Variants in FANCC observed in about 807,000 individuals in gnomAD.
FANCC encodes the protein FA complementation group C, also known as Fanconi anemia group C protein.
FANCC carries 55 observed loss-of-function variants against 71.3 expected under a neutral mutation model. The ratio of observed to expected loss-of-function variants is 0.77; its 90% confidence interval spans 0.62 to 0.97. The LOEUF is 0.97. FANCC is among the 50% of genes least tolerant of loss of function. FANCC has a pLI of 0.00. For synonymous variants in FANCC, 275 were observed against 244.9 expected (o/e 1.12, Z -1.15); for missense variants, 678 against 670.9 (o/e 1.01, Z -0.12).
intron 8 of FANCC, among the ~76,000 whole-genome samples, chr9:95,131,051 A>C (rs1339646260): frequency 6.6e-6 from 1 of 152,164 alleles, no homozygotes; most frequent in African/African-American, 2.4e-5. Flanking sequence ...AGCTCGGAAA[A>C]ATTATTCTTT....
intron 1 of FANCC, among the ~76,000 whole-genome samples, chr9:95,254,545 G>C (rs1831542555): frequency 6.6e-6 from 1 of 152,228 alleles, no homozygotes; most frequent in Admixed American, 6.5e-5. Context: ...GTGCATTCCA[G>C]CACAGACACT....
intron 1 of FANCC, among the ~76,000 whole-genome samples, chr9:95,270,718 A>T (rs2136215210): frequency 6.6e-6 from 1 of 152,372 alleles, no homozygotes; most frequent in Middle Eastern, 3.4e-3. Flanking sequence ...GGTATTTAAC[A>T]TATTTAACAT....
intron 1 of FANCC, among the ~76,000 whole-genome samples, chr9:95,287,554 G>C (rs1220833928): frequency 6.6e-6 from 1 of 152,152 alleles, no homozygotes; most frequent in East Asian, 1.9e-4. Context: ...ACTTTTGTGG[G>C]GAAACCACAG....
chr9:95,127,557 G>A (rs1826191233), intron 8 of FANCC: 1 of 152,358 alleles, frequency 6.6e-6, no homozygotes, highest in Non-Finnish European at 1.5e-5. Flanking sequence ...GTGCGGGCGG[G>A]AAGGCTAGGG....
intron 4 of FANCC, among the ~76,000 whole-genome samples, chr9:95,233,735 T>G (rs1830140897): frequency 6.6e-6 from 1 of 152,230 alleles, no homozygotes; most frequent in East Asian, 1.9e-4. Flanking sequence ...AAAGTTGGGG[T>G]GTGTACTCCA....
At chr9:95,243,054 T>C (rs1303850472) in intron 3 of FANCC, among the ~76,000 whole-genome samples, 1 of 152,220 alleles carries the variant, frequency 6.6e-6, no homozygotes, top group Admixed American at 6.5e-5. Context: ...ATATCTGGAA[T>C]TGAAATTCTA....
At chr9:95,246,980 G>A (rs1031496995) in intron 3 of FANCC, among the ~76,000 whole-genome samples, 1 of 152,190 alleles carries the variant, frequency 6.6e-6, no homozygotes, top group Non-Finnish European at 1.5e-5. Flanking sequence ...CAAAGTCACG[G>A]CAGGATTCAC....
At chr9:95,123,136 CA>C (rs930362284) in intron 10 of FANCC, among the ~76,000 whole-genome samples, 2 of 150,814 alleles carry the variant, frequency 1.3e-5, no homozygotes, top group Non-Finnish European at 3.0e-5. Context: ...TCTATCTCTA[CA>C]AAAAAAAATT....
chr9:95,117,601 C>T (rs1383927055), intron 10 of FANCC, among the ~76,000 whole-genome samples: 2 of 16,498 alleles, frequency 1.2e-4, no homozygotes, highest in African/African-American at 4.8e-4. Flanking sequence ...CCTTCTGGGA[C>T]TTAAAAATTT....
intron 4 of FANCC, among the ~76,000 whole-genome samples, chr9:95,181,352 C>A (rs1350725454): frequency 6.6e-6 from 1 of 152,064 alleles, no homozygotes; most frequent in South Asian, 2.1e-4. Flanking sequence ...CAAACAGACA[C>A]CTCAAACTTT....
intron 4 of FANCC, 124 bp downstream of exon 4, chr9:95,240,525 T>C (rs1223001181): frequency 7.3e-6 from 5 of 683,260 alleles, no homozygotes; most frequent in Non-Finnish European, 1.3e-5. Context: ...GTGAAGGGTA[T>C]GTTTGAAAAA....
chr9:95,172,208 T>G (rs1477699535), intron 4 of FANCC, 61 bp from the exon 5 acceptor site: 1 of 1,004,878 alleles, frequency 1.0e-6, no homozygotes, highest in Admixed American at 1.9e-5. Flanking sequence ...GCCTTTTATG[T>G]ACAATGCCTA....
At chr9:95,317,338 C>CAGCCTT (rs1422650679) in intron 1 of FANCC, 188 bp downstream of exon 1, 2 of 151,974 alleles carry the variant, frequency 1.3e-5, no homozygotes, top group African/African-American at 4.8e-5. Flanking sequence ...CCTCCCGCCT[C>CAGCCTT]AGCCTTAGCC....
At chr9:95,180,050 C>T (rs1826244749) in intron 4 of FANCC, among the ~76,000 whole-genome samples, 1 of 152,216 alleles carries the variant, frequency 6.6e-6, no homozygotes, top group South Asian at 2.1e-4. Flanking sequence ...TGTAATAATT[C>T]ACTGAGCTTT....
At position 95,111,656 on chromosome 9, in the gene FANCC, A is replaced by C; in HGVS notation, c.1155-19T>G. On this transcript the variant is annotated intron_variant, in intron 12 of 14. Transcript: ENST00000289081. Reference sequence around the variant, plus strand: ...GCAGGACCTGGAACAGAGGCAGAACACATGGCAGTTGACAACCTAAATTCT... The same window carrying C: ...GCAGGACCTGGAACAGAGGCAGAACCCATGGCAGTTGACAACCTAAATTCT... 6.2e-7 allele frequency: 1 copy of C among 1,614,114 alleles called. No individual in the cohort carries two copies.
At position 95,249,083 on chromosome 9, in the gene FANCC, C is replaced by G. The variant is rs376048607; in HGVS notation, c.165+44G>C. On this transcript the variant is annotated intron_variant, in intron 2 of 14. Transcript: ENST00000289081. ...TGTCTTGGTGAAATCTGGTAGAGTC[C>G]CTGAAGTCAGAAAATAATTTCATTA... The G allele has an allele frequency of 6.2e-6, 10 of 1,603,358 alleles. No individual in the cohort carries two copies. In the African/African-American group the frequency reaches 1.2e-4, roughly 19 times the overall value.
At chr9:95,194,077 T>G (rs868088937) in intron 4 of FANCC, among the ~76,000 whole-genome samples, 1 of 152,204 alleles carries the variant, frequency 6.6e-6, no homozygotes, top group Admixed American at 6.5e-5. Context: ...GTTGTGTTTT[T>G]TTTTAAATTC....
chr9:95,215,256 A>G (rs189279866), intron 4 of FANCC, among the ~76,000 whole-genome samples: 196 of 152,264 alleles, frequency 1.3e-3, no homozygotes, highest in African/African-American at 4.4e-3. Context: ...AAAGAATTAA[A>G]TTCCTAAAAA....
At chr9:95,272,104 AT>A in intron 1 of FANCC, among the ~76,000 whole-genome samples, 1 of 150,152 alleles carries the variant, frequency 6.7e-6, no homozygotes. Context: ...GCCTGGCTAA[AT>A]TTTTTTGTAT....
Sources: gnomAD v4.1 joint callset for allele counts (sites outside exome capture counted in the v4.1 genomes callset) on GRCh38, gnomAD v4.1.1 for gene constraint, MANE v1.5 for transcripts, NCBI Gene and HGNC (gene_info 2026-07-23, HGNC 2026-07-21) for gene names.